Variants in DNAH14 observed in about 807,000 individuals in gnomAD.
DNAH14 encodes dynein axonemal heavy chain 14.
Under a neutral mutation model 520.9 loss-of-function variants are expected in DNAH14, and 478 were observed. That is an observed-to-expected ratio of 0.92 (90% CI 0.85 to 0.99). The LOEUF (loss-of-function observed/expected upper bound fraction) is 0.99. DNAH14 is among the 50% of genes least tolerant of loss of function. DNAH14 has a pLI of 0.00. For synonymous variants in DNAH14, 1,581 were observed against 1,757.2 expected, an observed-to-expected ratio of 0.90 and a Z score of 2.51; for missense variants, 4,831 against 5,234.5, an observed-to-expected ratio of 0.92 and a Z score of 2.38.
chr1:224,942,697 CAG>C (rs1413874350), intron 1 of DNAH14, among the ~76,000 whole-genome samples: 2 of 151,882 alleles, frequency 1.3e-5, no homozygotes, highest in Non-Finnish European at 2.9e-5. Flanking sequence ...CTAATTTATT[CAG>C]AGTTTTTAGC....
chr1:225,156,215 A>G (rs1345084825), intron 34 of DNAH14, among the ~76,000 whole-genome samples: 3 of 152,126 alleles, frequency 2.0e-5, no homozygotes, highest in Non-Finnish European at 2.9e-5. Flanking sequence ...ATTCTCAAAT[A>G]TACTTTCAGG....
chr1:225,082,484 C>T, intron 19 of DNAH14, 65 bp from the exon 20 acceptor site: 2 of 1,232,946 alleles, frequency 1.6e-6, no homozygotes, highest in South Asian at 2.2e-5. Context: ...CTTATTTTCT[C>T]AATTTTTTTG....
rs370191299 is a variant in DNAH14, at chr1:225,360,715, A to G, written c.11811A>G (p.Ala3937=). The change falls in exon 75 of 86, where the codon GCA becomes GCG. Residue 3937 remains alanine, a synonymous_variant. Coordinates refer to ENST00000682510, the MANE Select transcript of DNAH14 (RefSeq NM_001367479.1). ...IDLTNILLRF[A]QELKGTTHHV... ...TTACCAATATCCTCCTGAGATTTGCACAAGAGTTAAAAGGAACAACACATC... is the reference window on the plus strand; with the variant it reads ...TTACCAATATCCTCCTGAGATTTGCGCAAGAGTTAAAAGGAACAACACATC... 68 of 1,551,592 alleles carry G rather than the reference A, an allele frequency of 4.4e-5. 1 individual carries two copies. Among genetic ancestry groups the G allele is most frequent in the South Asian group, 2.9e-4 (24 of 84,066 alleles).
rs2076978689 is a variant in DNAH14, at chr1:225,117,760, C to G, written c.3944C>G (p.Ala1315Gly). 1 of 1,550,646 alleles carries G rather than the reference C, an allele frequency of 6.4e-7. No homozygotes were observed. Among genetic ancestry groups the G allele is most frequent in the African/African-American group, 1.4e-5 (1 of 73,012 alleles). ...AATGCCGAGCTTCTTGATATTCTAG[C>G]TGATAGCAGAAATCCTGAGTCTGTA... ...LSNAELLDIL[A>G]DSRNPESVQP... The change falls in exon 24 of 86, where the codon GCT becomes GGT. Residue 1315 changes from alanine (A) to glycine (G), a missense_variant. Transcript: ENST00000682510.
intron 8 of DNAH14, among the ~76,000 whole-genome samples, chr1:224,981,729 A>G (rs975176199): frequency 6.6e-6 from 1 of 152,014 alleles, no homozygotes. Context: ...TATCTTTTCA[A>G]AGAACCAGCT....
intron 27 of DNAH14, among the ~76,000 whole-genome samples, chr1:225,131,598 T>C (rs1371925039): frequency 6.6e-6 from 1 of 152,220 alleles, no homozygotes; most frequent in African/African-American, 2.4e-5. Flanking sequence ...ATTTTCTTAA[T>C]TCAATTCCAT....
Position 225,257,945 on chromosome 1 carries a change from A to T in DNAH14, c.6866-15A>T, listed in dbSNP as rs1015699427. Reference sequence around the variant, plus strand: ...TTCTAGGTCATTTGAAACTTTTTTTAAAATGTTAACTTAGGAACTTCATTA... The same window carrying T: ...TTCTAGGTCATTTGAAACTTTTTTTTAAATGTTAACTTAGGAACTTCATTA... On this transcript the variant is annotated splice_polypyrimidine_tract_variant and intron_variant, in intron 44 of 85. Coordinates refer to ENST00000682510, the MANE Select transcript of DNAH14 (RefSeq NM_001367479.1). 67 of 1,531,988 alleles carry T rather than the reference A, an allele frequency of 4.4e-5. No individual in the cohort carries two copies. The highest frequency in any genetic ancestry group is 5.1e-5 in the Non-Finnish European group (58 of 1,138,878). 94.9% of individuals were successfully genotyped at this position (1,531,988 alleles called of 1,614,324 possible).
Position 225,353,735 on chromosome 1 carries a change from G to T in DNAH14, c.11534-68G>T, listed in dbSNP as rs1291963759. 7 of 819,788 alleles carry T rather than the reference G, an allele frequency of 8.5e-6. No individual in the cohort carries two copies. In the Admixed American group the frequency reaches 1.8e-4, roughly 21 times the overall value. The allele number at this position is 819,788 out of a possible 1,614,324, so 50.8% of individuals were successfully genotyped here. ...CAATTTTATGACAGAAATTTTCATT[G>T]TGATATGTTTTAATGATAAAAAGTA... On this transcript the variant is annotated intron_variant, in intron 72 of 85. Transcript: ENST00000682510.
In DNAH14 at chr1:225,367,735, A is replaced by C. The variant is rs796503997; in HGVS notation, c.12091-70A>C. On this transcript the variant is annotated intron_variant, in intron 76 of 85. Coordinates refer to ENST00000682510, the MANE Select transcript of DNAH14 (RefSeq NM_001367479.1). ...CAGTTCTTTTACCAGTGTTGTAGAA[A>C]GACAAGTGCCCTGAAGACCAGTGCC... 25 of 1,085,788 alleles carry C rather than the reference A, an allele frequency of 2.3e-5. No individual in the cohort carries two copies. The African/African-American group carries it at 3.7e-4, about 16-fold the overall frequency. 67.3% of individuals were successfully genotyped at this position (1,085,788 alleles called of 1,614,324 possible). A position where few individuals can be genotyped will look rare whatever the true frequency, so the allele number is the denominator to read the frequency against.
chr1:225,358,095 G>A (rs1453810913), intron 73 of DNAH14, among the ~76,000 whole-genome samples: 1 of 152,140 alleles, frequency 6.6e-6, no homozygotes, highest in Non-Finnish European at 1.5e-5. Flanking sequence ...TACTTTTCCA[G>A]TTGTGTCATC....
chr1:225,156,925 C>T (rs1341973744), intron 34 of DNAH14, among the ~76,000 whole-genome samples: 1 of 143,706 alleles, frequency 7.0e-6, no homozygotes, highest in East Asian at 2.3e-4. Context: ...CCGTTTTAGC[C>T]GGGATGGTCT....
At chr1:225,389,651 C>A in intron 82 of DNAH14, 83 bp from the exon 83 acceptor site, 1 of 1,439,724 alleles carries the variant, frequency 6.9e-7, no homozygotes. Context: ...AAAGAAGGGC[C>A]CTGGGAGGAA....
At chr1:225,041,617 A>C (rs939957235) in intron 12 of DNAH14, among the ~76,000 whole-genome samples, 1 of 152,182 alleles carries the variant, frequency 6.6e-6, no homozygotes, top group Non-Finnish European at 1.5e-5. Context: ...ATGTGCAATG[A>C]GAGTAATAAT....
intron 17 of DNAH14, among the ~76,000 whole-genome samples, chr1:225,052,206 T>A (rs576161933): frequency 6.6e-5 from 10 of 152,286 alleles, no homozygotes; most frequent in Admixed American, 3.3e-4. Context: ...ATATTGGAGT[T>A]TCACTGTATA....
At chr1:225,348,426 T>A (rs1490542589) in intron 71 of DNAH14, among the ~76,000 whole-genome samples, 5 of 152,030 alleles carry the variant, frequency 3.3e-5, no homozygotes, top group Admixed American at 2.0e-4. Context: ...CAAGACACAT[T>A]ATAATCAAAC....
At chr1:225,297,378 C>G (rs142919433) in intron 55 of DNAH14, among the ~76,000 whole-genome samples, 2 of 151,922 alleles carry the variant, frequency 1.3e-5, no homozygotes, top group African/African-American at 4.8e-5. Flanking sequence ...TGTATGATTG[C>G]AACCTGTTAC....
intron 41 of DNAH14, among the ~76,000 whole-genome samples, chr1:225,213,495 G>A (rs2088783447): frequency 6.6e-6 from 1 of 152,106 alleles, no homozygotes; most frequent in South Asian, 2.1e-4. Context: ...AATTACCTTG[G>A]GCAGTATGGC....
intron 82 of DNAH14, among the ~76,000 whole-genome samples, chr1:225,388,776 A>G (rs2095870487): frequency 6.6e-6 from 1 of 152,036 alleles, no homozygotes; most frequent in Admixed American, 6.6e-5. Context: ...AATTAGTTAC[A>G]TGTAATTTTT....
chr1:225,066,159 T>G (rs1558844871), intron 17 of DNAH14, among the ~76,000 whole-genome samples: 2 of 152,156 alleles, frequency 1.3e-5, no homozygotes, highest in Admixed American at 1.3e-4. Context: ...GTATGTCTCC[T>G]TTTGAGACAT....
Sources: gnomAD v4.1 joint callset for allele counts (sites outside exome capture counted in the v4.1 genomes callset) on GRCh38, gnomAD v4.1.1 for gene constraint, MANE v1.5 for transcripts, NCBI Gene and HGNC (gene_info 2026-07-23, HGNC 2026-07-21) for gene names.